ROBO1: variants seen among roughly 807,000 people sequenced by gnomAD.
The protein encoded by ROBO1 is roundabout guidance receptor 1.
In ROBO1, 149 loss-of-function variants were observed where a neutral mutation model predicts 195.9. That is an observed-to-expected ratio of 0.76 (90% CI 0.67 to 0.87). The LOEUF (loss-of-function observed/expected upper bound fraction) is 0.87, where lower values mean the gene tolerates loss of function less well. Among genes scored for constraint, ROBO1 ranks in the 40% least tolerant of loss-of-function variants. The pLI, the probability that ROBO1 is intolerant of heterozygous loss-of-function variation, is 0.00. For synonymous variants in ROBO1, 816 were observed against 733.2 expected (o/e 1.11, Z -1.82); for missense variants, 1,933 against 2,068.3 (o/e 0.93, Z 1.27).
intron 4 of ROBO1, among the ~76,000 whole-genome samples, chr3:78,925,471 G>A (rs890212090): frequency 6.6e-6 from 1 of 152,174 alleles, no homozygotes; most frequent in Non-Finnish European, 1.5e-5. Flanking sequence ...ATAAGGCCGA[G>A]CAGGTATAAA....
intron 2 of ROBO1, among the ~76,000 whole-genome samples, chr3:79,269,396 C>T (rs1216157188): frequency 6.6e-6 from 1 of 151,680 alleles, no homozygotes; most frequent in Admixed American, 6.6e-5. Context: ...CTATTTGTCA[C>T]TTCCCTTTTA....
chr3:79,093,875 T>C (rs960503554), intron 3 of ROBO1, among the ~76,000 whole-genome samples: 18 of 151,962 alleles, frequency 1.2e-4, no homozygotes, highest in African/African-American at 4.3e-4. Flanking sequence ...GATGGAAGGA[T>C]CAGAGAAACA....
intron 2 of ROBO1, among the ~76,000 whole-genome samples, chr3:79,156,690 G>T (rs1369526569): frequency 6.6e-6 from 1 of 151,600 alleles, no homozygotes; most frequent in Non-Finnish European, 1.5e-5. Flanking sequence ...TTTAAAACAC[G>T]CACAAAAAAT....
In ROBO1 at chr3:79,329,973, G is replaced by A. The variant is rs977799755; in HGVS notation, c.89-204434C>T. On this transcript the variant is annotated intron_variant, in intron 2 of 30. Transcript: ENST00000464233. Reference sequence around the variant, plus strand: ...ACTCCAGATATTTTTACTGGAACTCGCAGATGGTAAAAACAATTGAGCCAC... The same window carrying A: ...ACTCCAGATATTTTTACTGGAACTCACAGATGGTAAAAACAATTGAGCCAC... Among the ~76,000 whole-genome samples the A allele has an allele frequency of 5.9e-5, 9 of 151,906 alleles. No homozygotes were observed. In the South Asian group the frequency reaches 1.0e-3, roughly 17 times the overall value.
At chr3:79,271,554 T>G (rs890693648) in intron 2 of ROBO1, among the ~76,000 whole-genome samples, 2 of 152,056 alleles carry the variant, frequency 1.3e-5, no homozygotes, top group African/African-American at 4.8e-5. Flanking sequence ...TTTAGCCATA[T>G]GCTTTCTTCC....
At chr3:79,431,581 T>C (rs2038681630) in intron 2 of ROBO1, among the ~76,000 whole-genome samples, 1 of 152,042 alleles carries the variant, frequency 6.6e-6, no homozygotes, top group Non-Finnish European at 1.5e-5. Context: ...GACAAAAACA[T>C]GGTACAGAAA....
chr3:79,006,722 T>C (rs549947782), intron 3 of ROBO1, among the ~76,000 whole-genome samples: 1 of 139,158 alleles, frequency 7.2e-6, no homozygotes, highest in South Asian at 2.2e-4. Flanking sequence ...AGACCTTGTA[T>C]AGGCATTTCA....
chr3:79,674,239 G>T (rs878954956), intron 1 of ROBO1, among the ~76,000 whole-genome samples: 1 of 151,956 alleles, frequency 6.6e-6, no homozygotes, highest in Admixed American at 6.6e-5. Context: ...TTTTAAGCTA[G>T]ATTTCTTCAA....
chr3:79,519,820 G>T (rs1941129527), intron 2 of ROBO1, among the ~76,000 whole-genome samples: 1 of 151,784 alleles, frequency 6.6e-6, no homozygotes, highest in Non-Finnish European at 1.5e-5. Context: ...GCAAAGGTAG[G>T]CAAGTACTTG....
At chr3:79,712,882 A>C (rs1192751422) in intron 1 of ROBO1, among the ~76,000 whole-genome samples, 1 of 152,108 alleles carries the variant, frequency 6.6e-6, no homozygotes, top group East Asian at 1.9e-4. Flanking sequence ...TAAATGAAAA[A>C]ACAAAGCCTA....
intron 2 of ROBO1, among the ~76,000 whole-genome samples, chr3:79,165,132 T>C (rs939465501): frequency 3.3e-5 from 5 of 152,182 alleles, no homozygotes; most frequent in African/African-American, 1.2e-4. Flanking sequence ...TACTCATCAA[T>C]GCATCCTGAG....
intron 3 of ROBO1, among the ~76,000 whole-genome samples, chr3:79,016,612 C>T (rs1055645497): frequency 3.3e-5 from 5 of 152,180 alleles, no homozygotes; most frequent in African/African-American, 1.2e-4. Flanking sequence ...CAAGTTGACA[C>T]GACCAACTTT....
At chr3:79,169,848 T>C (rs1006334617) in intron 2 of ROBO1, among the ~76,000 whole-genome samples, 1 of 152,112 alleles carries the variant, frequency 6.6e-6, no homozygotes, top group Non-Finnish European at 1.5e-5. Context: ...ATGCTCTCAA[T>C]TTATGGACAT....
chr3:78,789,689 C>T (rs926836599), intron 4 of ROBO1, among the ~76,000 whole-genome samples: 8 of 152,076 alleles, frequency 5.3e-5, no homozygotes, highest in Non-Finnish European at 8.8e-5. Flanking sequence ...TGAGAGAACA[C>T]GGGGCGACTC....
intron 2 of ROBO1, among the ~76,000 whole-genome samples, chr3:79,570,279 AATTAT>A (rs1943235703): frequency 7.6e-6 from 1 of 131,588 alleles, no homozygotes; most frequent in African/African-American, 3.1e-5. Flanking sequence ...AAGGGATTTG[AATTAT>A]AATGAAAAAA....
intron 3 of ROBO1, among the ~76,000 whole-genome samples, chr3:79,043,911 T>A (rs1047665039): frequency 6.6e-6 from 1 of 152,140 alleles, no homozygotes; most frequent in South Asian, 2.1e-4. Flanking sequence ...GGATACATCT[T>A]GCTGTGGAAT....
At chr3:78,623,953 G>A (rs548596457) in intron 26 of ROBO1, among the ~76,000 whole-genome samples, 1 of 152,134 alleles carries the variant, frequency 6.6e-6, no homozygotes, top group South Asian at 2.1e-4. Flanking sequence ...ATAGATCAAG[G>A]GATCAAGAGG....
At chr3:79,541,444 A>C (rs1289254929) in intron 2 of ROBO1, among the ~76,000 whole-genome samples, 1 of 152,118 alleles carries the variant, frequency 6.6e-6, no homozygotes, top group Non-Finnish European at 1.5e-5. Flanking sequence ...GAGGGATTTT[A>C]GAGAAGGGAA....
At chr3:79,489,889 C>A (rs370863582) in intron 2 of ROBO1, among the ~76,000 whole-genome samples, 217 of 152,136 alleles carry the variant, frequency 1.4e-3, no homozygotes, top group African/African-American at 5.0e-3. Context: ...TGTATTTTTA[C>A]ATATGAAGAT....
Sources: allele counts gnomAD v4.1 joint callset (sites outside exome capture counted in the v4.1 genomes callset), GRCh38; gene constraint gnomAD v4.1.1; transcripts MANE v1.5; gene names NCBI Gene and HGNC (gene_info 2026-07-23, HGNC 2026-07-21).